Variants in SUMF1 observed in about 807,000 individuals in gnomAD.
The protein encoded by SUMF1 is formylglycine-generating enzyme.
In SUMF1, 48 loss-of-function variants were observed where a neutral mutation model predicts 47.6. That is an observed-to-expected ratio of 1.01 (90% CI 0.80 to 1.28). The LOEUF is 1.28. SUMF1 is among the 50% of genes most tolerant of loss of function. The probability of loss-of-function intolerance (pLI) is 0.00; values close to 1 mark genes in which losing one functional copy is unlikely to be tolerated. For synonymous variants in SUMF1, 230 were observed against 192.1 expected (o/e 1.20, Z -1.63); for missense variants, 571 against 485.4 (o/e 1.18, Z -1.66).
At position 4,375,535 on chromosome 3, in the gene SUMF1, A is replaced by G. The variant is rs529714504; in HGVS notation, c.1014+795T>C. 3.9e-5 allele frequency among the ~76,000 whole-genome samples: 6 copies of G among 152,270 alleles called. No homozygotes were observed. In the East Asian group the frequency reaches 5.8e-4, roughly 15 times the overall value. ...ACCACTGTTTAAGACAAAATTTGAT[A>G]ATGCCATCATTATCAAATTAGTAAC... On this transcript the variant is annotated intron_variant, in intron 8 of 8. Transcript: ENST00000272902.
intron 8 of SUMF1, among the ~76,000 whole-genome samples, chr3:4,295,013 T>A (rs1171927021): frequency 6.6e-6 from 1 of 152,228 alleles, no homozygotes; most frequent in Non-Finnish European, 1.5e-5. Context: ...TTTTCCTCTG[T>A]GGAATTCTTT....
chr3:4,466,094 A>C (rs760799406), intron 1 of SUMF1, among the ~76,000 whole-genome samples: 91 of 152,126 alleles, frequency 6.0e-4, no homozygotes, highest in Non-Finnish European at 4.3e-4. Flanking sequence ...AGACAGATTG[A>C]AGTAACAGTT....
At chr3:4,111,294 CA>C (rs1168705634) in intron 8 of SUMF1, among the ~76,000 whole-genome samples, 1 of 151,970 alleles carries the variant, frequency 6.6e-6, no homozygotes, top group Non-Finnish European at 1.5e-5. Flanking sequence ...GAAAAAGGTC[CA>C]CATGGAAGTG....
chr3:4,334,844 C>A (rs1409699575), intron 8 of SUMF1, among the ~76,000 whole-genome samples: 1 of 152,174 alleles, frequency 6.6e-6, no homozygotes, highest in Admixed American at 6.5e-5. Flanking sequence ...TTAGGTCAGA[C>A]TTTTTTGCAC....
intron 8 of SUMF1, among the ~76,000 whole-genome samples, chr3:4,274,269 C>T (rs1697368974): frequency 6.6e-6 from 1 of 152,098 alleles, no homozygotes. Context: ...TTCAAGATTG[C>T]CCTTGATGTT....
chr3:4,204,098 C>T (rs533980734), intron 8 of SUMF1, among the ~76,000 whole-genome samples: 1 of 152,058 alleles, frequency 6.6e-6, no homozygotes, highest in African/African-American at 2.4e-5. Flanking sequence ...CAGATGATTT[C>T]TTAGTGCTCA....
chr3:4,404,024 G>A (rs9879961), intron 7 of SUMF1, among the ~76,000 whole-genome samples: 4,309 of 152,228 alleles, frequency 0.028, 100 homozygotes, highest in African/African-American at 0.062. Context: ...AATGGTAACT[G>A]GAATTAGAAT....
intron 8 of SUMF1, among the ~76,000 whole-genome samples, chr3:4,251,368 G>A (rs1206513818): frequency 6.6e-6 from 1 of 152,198 alleles, no homozygotes; most frequent in Admixed American, 6.5e-5. Context: ...TCTTGAGATG[G>A]AATCTACTCC....
chr3:4,336,155 G>A (rs180733970), intron 8 of SUMF1, among the ~76,000 whole-genome samples: 23 of 152,022 alleles, frequency 1.5e-4, no homozygotes, highest in African/African-American at 5.1e-4. Flanking sequence ...TGCCCAGGAA[G>A]AAACACAAAT....
chr3:4,142,513 A>G (rs1008883026), intron 8 of SUMF1, among the ~76,000 whole-genome samples: 2 of 152,156 alleles, frequency 1.3e-5, no homozygotes, highest in African/African-American at 4.8e-5. Flanking sequence ...TAAACAATAC[A>G]TTGTAAGGTA....
intron 7 of SUMF1, among the ~76,000 whole-genome samples, chr3:4,385,380 G>A (rs1410838037): frequency 6.6e-6 from 1 of 152,142 alleles, no homozygotes; most frequent in African/African-American, 2.4e-5. Flanking sequence ...CAGTGCTAAT[G>A]ACGTTGAGCA....
At chr3:4,146,079 G>A (rs1694187474) in intron 8 of SUMF1, among the ~76,000 whole-genome samples, 2 of 152,052 alleles carry the variant, frequency 1.3e-5, no homozygotes, top group Non-Finnish European at 2.9e-5. Flanking sequence ...CAGATCTTTA[G>A]CACACTTAGC....
chr3:4,260,841 C>T (rs542913010), intron 8 of SUMF1, among the ~76,000 whole-genome samples: 1 of 152,240 alleles, frequency 6.6e-6, no homozygotes, highest in East Asian at 1.9e-4. Context: ...TCCTAATCCC[C>T]AGATGGAAGA....
intron 8 of SUMF1, among the ~76,000 whole-genome samples, chr3:4,184,913 G>C (rs550436482): frequency 6.6e-6 from 1 of 152,186 alleles, no homozygotes; most frequent in African/African-American, 2.4e-5. Context: ...GCCTCCCAAA[G>C]AGCTAGGATT....
chr3:4,071,567 C>T (rs1217284510), intron 8 of SUMF1, among the ~76,000 whole-genome samples: 2 of 152,210 alleles, frequency 1.3e-5, no homozygotes, highest in Non-Finnish European at 2.9e-5. Flanking sequence ...TTGAAATTCT[C>T]ACTGCTAGCG....
rs558455306 is a variant in SUMF1, at chr3:4,400,790, G to GA, written c.954+10074dup. On this transcript the variant is annotated intron_variant, in intron 7 of 8. Transcript: ENST00000272902. ...CCTGGCCCCAAGATAGCAGAGCTGG[G>GA]ATGTGGACCTAGATGGAAATCATTT... 3.3e-4 allele frequency among the ~76,000 whole-genome samples: 50 copies of GA among 152,310 alleles called. 1 individual carries two copies. The South Asian group carries it at 1.0e-2, about 30-fold the overall frequency.
intron 6 of SUMF1, among the ~76,000 whole-genome samples, chr3:4,413,152 G>A (rs1701599296): frequency 6.6e-6 from 1 of 151,864 alleles, no homozygotes; most frequent in Non-Finnish European, 1.5e-5. Context: ...CCACAGGTGT[G>A]CACCACCACA....
At chr3:4,100,025 CA>C (rs1692996716) in intron 8 of SUMF1, among the ~76,000 whole-genome samples, 2 of 150,716 alleles carry the variant, frequency 1.3e-5, no homozygotes, top group African/African-American at 4.9e-5. Flanking sequence ...TTAATAATAC[CA>C]ATTCAATTCA....
intron 8 of SUMF1, among the ~76,000 whole-genome samples, chr3:4,201,278 C>A (rs1474918910): frequency 6.6e-6 from 1 of 152,028 alleles, no homozygotes; most frequent in Non-Finnish European, 1.5e-5. Flanking sequence ...ATCGCCACTT[C>A]CAACCCCCAC....
Sources: allele counts gnomAD v4.1 joint callset (sites outside exome capture counted in the v4.1 genomes callset), GRCh38; gene constraint gnomAD v4.1.1; transcripts MANE v1.5; gene names NCBI Gene and HGNC (gene_info 2026-07-23, HGNC 2026-07-21).